PPP2R5E: variants seen among roughly 807,000 people sequenced by gnomAD.
PPP2R5E encodes the protein serine/threonine-protein phosphatase 2A 56 kDa regulatory subunit epsilon isoform.
A neutral mutation model predicts 65.3 loss-of-function variants in PPP2R5E; 4 were observed. That is an observed-to-expected ratio of 0.06 (90% CI 0.03 to 0.14). PPP2R5E has a LOEUF of 0.14. Among genes scored for constraint, PPP2R5E ranks in the 10% least tolerant of loss-of-function variants. The pLI, the probability that PPP2R5E is intolerant of heterozygous loss-of-function variation, is 1.00. For synonymous variants in PPP2R5E, 183 were observed against 187.4 expected (o/e 0.98, Z 0.19); for missense variants, 274 against 556.1 (o/e 0.49, Z 5.10).
chr14:63,481,756 T>G (rs1320051760), intron 2 of PPP2R5E, among the ~76,000 whole-genome samples: 2 of 152,222 alleles, frequency 1.3e-5, no homozygotes, highest in Non-Finnish European at 1.5e-5. Context: ...CACAGCCTCA[T>G]GGTCACAAGA....
rs1322165799 is a variant in PPP2R5E, at chr14:63,465,539, T to C, written c.158-11654A>G. On this transcript the variant is annotated intron_variant, in intron 2 of 13. Transcript: ENST00000337537. Reference sequence around the variant, plus strand: ...TACTTAGGAGGCTGAGGTCAGAGGATGGCTTGAGCCCAAGAGGCAGAAGCT... The same window carrying C: ...TACTTAGGAGGCTGAGGTCAGAGGACGGCTTGAGCCCAAGAGGCAGAAGCT... 2.0e-5 allele frequency among the ~76,000 whole-genome samples: 3 copies of C among 151,494 alleles called. No individual in the cohort carries two copies. The East Asian group carries it at 5.8e-4, about 29-fold the overall frequency.
intron 3 of PPP2R5E, chr14:63,452,610 A>C (rs1277956169): frequency 2.0e-5 from 3 of 152,226 alleles, no homozygotes; most frequent in Non-Finnish European, 4.4e-5. Context: ...ATTCCTGTAA[A>C]TTAACAACAA....
chr14:63,392,796 G>C (rs1051530389), intron 8 of PPP2R5E, among the ~76,000 whole-genome samples: 4 of 152,200 alleles, frequency 2.6e-5, no homozygotes, highest in African/African-American at 9.7e-5. Context: ...AATGTGTCAC[G>C]TTTTTATGCA....
At chr14:63,421,193 G>A (rs530183201) in intron 4 of PPP2R5E, among the ~76,000 whole-genome samples, 2 of 150,388 alleles carry the variant, frequency 1.3e-5, no homozygotes, top group East Asian at 2.0e-4. Flanking sequence ...CTTCCCCCTT[G>A]CTATTTGTCG....
intron 11 of PPP2R5E, among the ~76,000 whole-genome samples, chr14:63,387,632 G>C (rs1319016122): frequency 6.6e-6 from 1 of 151,612 alleles, no homozygotes; most frequent in Non-Finnish European, 1.5e-5. Flanking sequence ...TCTTCCCTTT[G>C]TTCTCAATTT....
intron 3 of PPP2R5E, among the ~76,000 whole-genome samples, chr14:63,448,807 A>G (rs1171772881): frequency 1.3e-5 from 2 of 150,028 alleles, no homozygotes; most frequent in Non-Finnish European, 3.0e-5. Flanking sequence ...AAAAAAAAAA[A>G]GCAACCCCCA....
At chr14:63,434,584 G>C (rs1887860326) in intron 3 of PPP2R5E, among the ~76,000 whole-genome samples, 1 of 152,130 alleles carries the variant, frequency 6.6e-6, no homozygotes, top group South Asian at 2.1e-4. Flanking sequence ...TACGACCTCT[G>C]TGTCCAGGGC....
chr14:63,434,225 G>A (rs1887841314), intron 3 of PPP2R5E, among the ~76,000 whole-genome samples: 1 of 152,100 alleles, frequency 6.6e-6, no homozygotes, highest in South Asian at 2.1e-4. Flanking sequence ...GTGGGGAAGA[G>A]TCCAGTATAA....
chr14:63,461,672 C>T (rs1377083639), intron 2 of PPP2R5E, among the ~76,000 whole-genome samples: 6 of 150,506 alleles, frequency 4.0e-5, no homozygotes, highest in Non-Finnish European at 7.4e-5. Context: ...GGCTTGGTGG[C>T]GTGTGCCTGT....
chr14:63,497,478 T>A (rs1031771379), intron 2 of PPP2R5E, among the ~76,000 whole-genome samples: 3 of 151,784 alleles, frequency 2.0e-5, no homozygotes, highest in African/African-American at 7.3e-5. Context: ...CCTGGCCAGG[T>A]GCAGTGGCTC....
chr14:63,431,184 C>T (rs1333806195), intron 3 of PPP2R5E, among the ~76,000 whole-genome samples: 1 of 151,802 alleles, frequency 6.6e-6, no homozygotes, highest in Non-Finnish European at 1.5e-5. Context: ...AGGAGAATTG[C>T]TTGAACCCAG....
intron 4 of PPP2R5E, among the ~76,000 whole-genome samples, chr14:63,417,186 T>C (rs1886746673): frequency 6.6e-6 from 1 of 152,200 alleles, no homozygotes; most frequent in Admixed American, 6.5e-5. Context: ...CTCTTTTAAA[T>C]GTTGACATGT....
chr14:63,406,988 C>A (rs1371650656), intron 5 of PPP2R5E, among the ~76,000 whole-genome samples: 3 of 152,178 alleles, frequency 2.0e-5, no homozygotes, highest in Non-Finnish European at 4.4e-5. Context: ...TAAGAAAGTT[C>A]TCAAAACAAG....
chr14:63,516,949 T>C lies in PPP2R5E; in HGVS notation c.157+22580A>G, dbSNP rs147215124. ...GATATATTGTTTTGCTTAAACAATTTAGTCTATGGATGAACTAAATAGATT... is the reference window on the plus strand; with the variant it reads ...GATATATTGTTTTGCTTAAACAATTCAGTCTATGGATGAACTAAATAGATT... On this transcript the variant is annotated intron_variant, in intron 2 of 13. Transcript: ENST00000337537. Among the ~76,000 whole-genome samples, 504 of 152,214 alleles carry C rather than the reference T, an allele frequency of 3.3e-3. 2 individuals are homozygous for C. The highest frequency in any genetic ancestry group is 0.011 in the African/African-American group (466 of 41,460).
intron 3 of PPP2R5E, among the ~76,000 whole-genome samples, chr14:63,449,198 A>G (rs562318181): frequency 2.4e-4 from 37 of 152,332 alleles, no homozygotes; most frequent in Non-Finnish European, 4.1e-4. Context: ...CAGTAACACG[A>G]AAGAGAAATC....
At chr14:63,500,105 G>A (rs937707017) in intron 2 of PPP2R5E, among the ~76,000 whole-genome samples, 3 of 152,166 alleles carry the variant, frequency 2.0e-5, no homozygotes, top group Admixed American at 1.3e-4. Context: ...ATCTATAGAG[G>A]GGGTGGTGAT....
chr14:63,387,365 A>T (rs1252698684), intron 11 of PPP2R5E, among the ~76,000 whole-genome samples: 1 of 152,188 alleles, frequency 6.6e-6, no homozygotes, highest in Non-Finnish European at 1.5e-5. Flanking sequence ...TTGTTTATGC[A>T]AAGTTAAAAA....
At chr14:63,496,701 C>T (rs962212545) in intron 2 of PPP2R5E, among the ~76,000 whole-genome samples, 3 of 151,994 alleles carry the variant, frequency 2.0e-5, no homozygotes, top group African/African-American at 7.2e-5. Flanking sequence ...TTCTAATTTT[C>T]CTTTTCAATT....
intron 2 of PPP2R5E, among the ~76,000 whole-genome samples, chr14:63,520,380 A>G (rs1892850511): frequency 6.6e-6 from 1 of 152,188 alleles, no homozygotes; most frequent in Admixed American, 6.5e-5. Context: ...TTCTCTCAGC[A>G]TAATCGCTTC....
Sources: allele counts gnomAD v4.1 joint callset (sites outside exome capture counted in the v4.1 genomes callset), GRCh38; gene constraint gnomAD v4.1.1; transcripts MANE v1.5; gene names NCBI Gene and HGNC (gene_info 2026-07-23, HGNC 2026-07-21).